The following CDK14 variants were observed in gnomAD, a reference collection of about 807,000 sequenced individuals.
CDK14 encodes the protein cyclin-dependent kinase 14.
Under a neutral mutation model 60.7 loss-of-function variants are expected in CDK14, and 34 were observed. That is an observed-to-expected ratio of 0.56 (90% CI 0.43 to 0.75). The LOEUF (loss-of-function observed/expected upper bound fraction) is 0.75, where lower values mean the gene tolerates loss of function less well. CDK14 is among the 30% of genes least tolerant of loss of function. The probability of loss-of-function intolerance (pLI) is 0.00; values close to 1 mark genes in which losing one functional copy is unlikely to be tolerated. For missense variants in CDK14, 482 were observed against 564.1 expected (o/e 0.85, Z 1.47); for synonymous variants, 197 against 203.7 (o/e 0.97, Z 0.28).
intron 8 of CDK14, among the ~76,000 whole-genome samples, chr7:90,934,219 A>C (rs2191316): frequency 6.6e-6 from 1 of 152,324 alleles, no homozygotes; most frequent in East Asian, 1.9e-4. Flanking sequence ...ACCTGCTGCC[A>C]GTCAGGCGGG....
At chr7:90,618,060 C>T (rs969366807) in intron 2 of CDK14, among the ~76,000 whole-genome samples, 14 of 152,186 alleles carry the variant, frequency 9.2e-5, no homozygotes, top group African/African-American at 3.1e-4. Context: ...ATAATAAATT[C>T]ATTCATTTTC....
In CDK14 at chr7:91,165,460, G is replaced by A. The variant is rs200842491; in HGVS notation, c.*29-41705G>A. On this transcript the variant is annotated intron_variant, in intron 14 of 14. Transcript: ENST00000380050. Reference sequence around the variant, plus strand: ...GAGCATGCCATTTAATCTCCGTGGGGCCTCTGGTTCCCTTTTGTGGAATGA... The same window carrying A: ...GAGCATGCCATTTAATCTCCGTGGGACCTCTGGTTCCCTTTTGTGGAATGA... Among the ~76,000 whole-genome samples, 14 of 151,260 alleles carry A rather than the reference G, an allele frequency of 9.3e-5. No individual in the cohort carries two copies. The East Asian group carries it at 2.3e-3, about 25-fold the overall frequency.
intron 13 of CDK14, among the ~76,000 whole-genome samples, chr7:91,114,805 A>G (rs866706701): frequency 1.1e-4 from 17 of 152,194 alleles, no homozygotes; most frequent in African/African-American, 3.4e-4. Flanking sequence ...ATTAAATACT[A>G]TAGTCATTTC....
chr7:90,997,784 A>G (rs926047241), intron 10 of CDK14, among the ~76,000 whole-genome samples: 4 of 152,202 alleles, frequency 2.6e-5, no homozygotes, highest in Non-Finnish European at 5.9e-5. Context: ...ATAGTGATAT[A>G]TGCACATTTA....
chr7:90,803,590 G>C (rs1314803683), intron 5 of CDK14, among the ~76,000 whole-genome samples: 1 of 152,164 alleles, frequency 6.6e-6, no homozygotes, highest in East Asian at 1.9e-4. Flanking sequence ...GGATAGGGGA[G>C]GCAGGTGGAG....
intron 10 of CDK14, among the ~76,000 whole-genome samples, chr7:91,009,153 G>A (rs1796079656): frequency 6.6e-6 from 1 of 152,128 alleles, no homozygotes; most frequent in East Asian, 1.9e-4. Context: ...TTTTTAGTGA[G>A]CATAACTATT....
chr7:91,011,198 G>A (rs1300341391), intron 10 of CDK14, among the ~76,000 whole-genome samples: 2 of 151,898 alleles, frequency 1.3e-5, no homozygotes, highest in African/African-American at 2.4e-5. Flanking sequence ...AAAAGCTGCT[G>A]TTTTCCTTAT....
At chr7:90,657,675 C>G (rs1329343998) in intron 2 of CDK14, among the ~76,000 whole-genome samples, 1 of 152,168 alleles carries the variant, frequency 6.6e-6, no homozygotes, top group Non-Finnish European at 1.5e-5. Flanking sequence ...CCAGTGGCTA[C>G]TCTATTGGAC....
chr7:91,125,213 T>G (rs892771245), intron 14 of CDK14, among the ~76,000 whole-genome samples: 6 of 152,142 alleles, frequency 3.9e-5, no homozygotes, highest in Non-Finnish European at 8.8e-5. Context: ...GGGAGCTTTG[T>G]CTGGGTAGAA....
chr7:91,089,474 A>G (rs1353713326), intron 12 of CDK14, among the ~76,000 whole-genome samples: 2 of 151,682 alleles, frequency 1.3e-5, no homozygotes, highest in African/African-American at 4.8e-5. Context: ...TCTTACCTTT[A>G]CTAATGATCC....
chr7:91,027,144 A>G (rs1014249807), intron 10 of CDK14, among the ~76,000 whole-genome samples: 1 of 152,216 alleles, frequency 6.6e-6, no homozygotes. Context: ...AACTGTTATA[A>G]TTTCTAGATA....
At chr7:90,806,098 T>C (rs1399337711) in intron 5 of CDK14, among the ~76,000 whole-genome samples, 2 of 152,164 alleles carry the variant, frequency 1.3e-5, no homozygotes, top group Non-Finnish European at 2.9e-5. Flanking sequence ...TGCAAAAAGA[T>C]ATACACCCTT....
intron 4 of CDK14, among the ~76,000 whole-genome samples, chr7:90,767,183 G>T (rs1429170628): frequency 6.6e-6 from 1 of 152,216 alleles, no homozygotes; most frequent in African/African-American, 2.4e-5. Context: ...AGCCAAGTAT[G>T]AACTTACACA....
At chr7:90,772,457 A>G (rs10953022) in intron 4 of CDK14, among the ~76,000 whole-genome samples, 27,904 of 152,144 alleles carry the variant, frequency 0.18, 2,677 homozygotes, top group South Asian at 0.24. Flanking sequence ...GTAACTCCCA[A>G]TGTTTGGGGA....
At chr7:91,065,240 A>T (rs968520672) in intron 11 of CDK14, among the ~76,000 whole-genome samples, 2 of 152,180 alleles carry the variant, frequency 1.3e-5, no homozygotes, top group Non-Finnish European at 2.9e-5. Flanking sequence ...AGGTAGCTCT[A>T]CTGGGTGGCA....
chr7:90,784,139 G>A (rs1450480402), intron 4 of CDK14, among the ~76,000 whole-genome samples: 1 of 152,120 alleles, frequency 6.6e-6, no homozygotes, highest in Non-Finnish European at 1.5e-5. Flanking sequence ...TGGGTGGAAC[G>A]GGAGGACATT....
intron 14 of CDK14, among the ~76,000 whole-genome samples, chr7:91,173,881 G>A (rs1195209532): frequency 6.6e-6 from 1 of 152,222 alleles, no homozygotes; most frequent in Non-Finnish European, 1.5e-5. Flanking sequence ...GGCTGGGGGA[G>A]GGGCACCCGC....
intron 14 of CDK14, among the ~76,000 whole-genome samples, chr7:91,125,606 G>A (rs1014914528): frequency 6.6e-6 from 1 of 151,968 alleles, no homozygotes; most frequent in Admixed American, 6.6e-5. Flanking sequence ...AGCAGTCCTT[G>A]AGTTGTGAAG....
intron 10 of CDK14, among the ~76,000 whole-genome samples, chr7:91,008,154 A>AAAAAAAAAAAC (rs1796044623): frequency 6.7e-6 from 1 of 148,838 alleles, no homozygotes. Flanking sequence ...AACAAACAAA[A>AAAAAAAAAAAC]AAAAACAGTG....
Sources: allele counts gnomAD v4.1 joint callset (sites outside exome capture counted in the v4.1 genomes callset), GRCh38; gene constraint gnomAD v4.1.1; transcripts MANE v1.5; gene names NCBI Gene and HGNC (gene_info 2026-07-23, HGNC 2026-07-21).